Variants in KDM2A observed in about 807,000 individuals in gnomAD.
KDM2A encodes lysine-specific demethylase 2A.
KDM2A carries 3 observed loss-of-function variants against 137.3 expected under a neutral mutation model. The ratio of observed to expected loss-of-function variants is 0.02; its 90% CI spans 0.01 to 0.06. KDM2A has a LOEUF of 0.06. Among genes scored for constraint, KDM2A ranks in the 10% least tolerant of loss-of-function variants. The pLI is 1.00. For missense variants in KDM2A, 738 were observed against 1,510.6 expected (o/e 0.49, Z 8.48); for synonymous variants, 512 against 541.5 (o/e 0.95, Z 0.76).
chr11:67,217,640 GTGGTCT>G, intron 8 of KDM2A, 85 bp from the exon 9 acceptor site: 1 of 1,289,954 alleles, frequency 7.8e-7, no homozygotes. Flanking sequence ...CTTCTACCTG[GTGGTCT>G]TAATTTTGTA....
intron 18 of KDM2A, among the ~76,000 whole-genome samples, chr11:67,253,067 A>G (rs1212055613): frequency 7.2e-5 from 11 of 152,228 alleles, no homozygotes; most frequent in South Asian, 4.1e-4. Context: ...AATCACTGCA[A>G]TGGACAGCAA....
In KDM2A at chr11:67,257,515, A is replaced by C. The variant is rs1363297265; in HGVS notation, c.*2460A>C. 6.6e-6 allele frequency: 1 copy of C among 152,562 alleles called. No individual in the cohort carries two copies. Among genetic ancestry groups the C allele is most frequent in the African/African-American group, 2.4e-5 (1 of 41,408 alleles). 9.5% of individuals were successfully genotyped at this position (152,562 alleles called of 1,614,324 possible). A position where few individuals can be genotyped will look rare whatever the true frequency, so the allele number is the denominator to read the frequency against. On this transcript the variant is annotated 3_prime_UTR_variant, in exon 21 of 21. Transcript: ENST00000529006. ...CCTTGCCAGGAGAGCCTGCCCTCAG[A>C]CTGCAGGACCAGAACCCCTGCCTCC...
At chr11:67,155,202 G>T (rs555943572) in intron 2 of KDM2A, among the ~76,000 whole-genome samples, 34 of 152,228 alleles carry the variant, frequency 2.2e-4, no homozygotes, top group African/African-American at 7.9e-4. Context: ...GTTTTGTAGA[G>T]ATGGGGTTTT....
intron 5 of KDM2A, chr11:67,195,859 G>C (rs1315763699): frequency 3.8e-6 from 1 of 264,140 alleles, no homozygotes; most frequent in Non-Finnish European, 8.0e-6. Flanking sequence ...TCCGTTGCCA[G>C]TATTTTATTT....
At chr11:67,169,901 G>A (rs1048955711) in intron 2 of KDM2A, among the ~76,000 whole-genome samples, 3 of 151,440 alleles carry the variant, frequency 2.0e-5, no homozygotes, top group Admixed American at 6.6e-5. Context: ...GGGATTACAG[G>A]CACGTGCCAC....
At chr11:67,123,394 C>T (rs1855644448) in intron 2 of KDM2A, among the ~76,000 whole-genome samples, 1 of 149,940 alleles carries the variant, frequency 6.7e-6, no homozygotes, top group Non-Finnish European at 1.5e-5. Context: ...TGTCTTGTTC[C>T]CAGTTCATGT....
At chr11:67,158,564 A>C (rs1856570221) in intron 2 of KDM2A, among the ~76,000 whole-genome samples, 1 of 152,180 alleles carries the variant, frequency 6.6e-6, no homozygotes, top group Non-Finnish European at 1.5e-5. Context: ...CCTTGCCAGC[A>C]TTTGGTGTTG....
At position 67,210,270 on chromosome 11, in the gene KDM2A, G is replaced by A. The variant is rs1163285435; in HGVS notation, c.486+2582G>A. On this transcript the variant is annotated intron_variant, in intron 6 of 20. Transcript: ENST00000529006. ...CCAGCTACTCAGGGGGTTGAGGCAG[G>A]AGGATTGCTTGAGCCTAGTAATTTG... Among the ~76,000 whole-genome samples, 3 of 151,860 alleles carry A rather than the reference G, an allele frequency of 2.0e-5. No individual in the cohort carries two copies. The East Asian group carries it at 5.8e-4, about 29-fold the overall frequency.
chr11:67,246,179 G>C (rs887715479), intron 15 of KDM2A, 63 bp downstream of exon 15: 2 of 1,582,790 alleles, frequency 1.3e-6, no homozygotes, highest in Admixed American at 3.4e-5. Flanking sequence ...ACAACAGAAT[G>C]GGACACTTGT....
chr11:67,218,414 G>C (rs1858234658), intron 9 of KDM2A, among the ~76,000 whole-genome samples: 1 of 152,108 alleles, frequency 6.6e-6, no homozygotes, highest in Admixed American at 6.6e-5. Context: ...TTGTTATAAG[G>C]AATATAAATG....
At chr11:67,220,022 A>C (rs1209231171) in intron 10 of KDM2A, among the ~76,000 whole-genome samples, 1 of 149,140 alleles carries the variant, frequency 6.7e-6, no homozygotes, top group Non-Finnish European at 1.5e-5. Flanking sequence ...TTTTTCTTTT[A>C]ATATTTGGGA....
intron 12 of KDM2A, 94 bp downstream of exon 12, chr11:67,232,054 T>C (rs1858734396): frequency 1.6e-6 from 2 of 1,262,406 alleles, no homozygotes; most frequent in Non-Finnish European, 1.1e-6. Flanking sequence ...TTTTGGGTGA[T>C]CTCTGGTTCA....
At chr11:67,238,577 AGTCT>A (rs2136437540) in intron 12 of KDM2A, among the ~76,000 whole-genome samples, 2 of 152,244 alleles carry the variant, frequency 1.3e-5, no homozygotes, top group South Asian at 4.1e-4. Context: ...AGAGCACAAA[AGTCT>A]GTCCTTCCCC....
chr11:67,184,395 C>T (rs1228490559), intron 5 of KDM2A, among the ~76,000 whole-genome samples: 5 of 151,774 alleles, frequency 3.3e-5, no homozygotes, highest in East Asian at 1.9e-4. Context: ...TTTGGGAGGC[C>T]GAGGCGGGCA....
In KDM2A at chr11:67,250,935, C is replaced by T; in HGVS notation, c.2768+137C>T. The stretch of plus-strand genomic sequence containing the variant: ...GAGTGAATTGACCCTTTTTCCCAAA[C>T]TTTGGGTCCTGTTTAAAGATGTAGC... On this transcript the variant is annotated intron_variant, in intron 17 of 20. Coordinates refer to ENST00000529006, the MANE Select transcript of KDM2A (RefSeq NM_012308.3). This position sits in a 1 kb window ranked among gnomAD's most constrained non-coding sequence, Gnocchi z 7.1. 1 of 696,682 alleles carries T rather than the reference C, an allele frequency of 1.4e-6. No individual in the cohort carries two copies. The highest frequency in any genetic ancestry group is 2.4e-6 in the Non-Finnish European group (1 of 411,876). The allele number at this position is 696,682 out of a possible 1,614,324, so 43.2% of individuals were successfully genotyped here.
Position 67,253,566 on chromosome 11 carries a change from G to C in KDM2A, c.3046G>C (p.Asp1016His), listed in dbSNP as rs1390387923. Residue 1016 changes from aspartate to histidine, a missense_variant, in exon 19 of 21, where the codon GAC becomes CAC. By Grantham distance (81) the Asp-to-His change is moderately conservative (BLOSUM62 -1). Transcript: ENST00000529006. ...TCTTCGGTGGGCAGTAGGAATCAAG[G>C]ACCCTCAAATTCGGGACTTGCTTAC... ...LDLRWAVGIKDPQIRDLLTPP... is the reference protein window; with the variant it reads ...LDLRWAVGIKHPQIRDLLTPP... 1 of 1,613,804 alleles carries C rather than the reference G, an allele frequency of 6.2e-7. No homozygotes were observed. Among genetic ancestry groups the C allele is most frequent in the East Asian group, 2.2e-5 (1 of 44,874 alleles).
intron 17 of KDM2A, 59 bp from the exon 18 acceptor site, chr11:67,252,635 G>A: frequency 1.9e-6 from 3 of 1,586,950 alleles, no homozygotes; most frequent in Non-Finnish European, 2.6e-6. Context: ...TAAGCAGCCT[G>A]TGATGGGAGC....
chr11:67,125,407 C>T (rs534278602), intron 2 of KDM2A, among the ~76,000 whole-genome samples: 346 of 151,902 alleles, frequency 2.3e-3, no homozygotes, highest in Middle Eastern at 6.8e-3. Context: ...TCTTGAACTC[C>T]TGGGCTCAAA....
chr11:67,251,659 T>C (rs1340460760), intron 17 of KDM2A, among the ~76,000 whole-genome samples: 1 of 152,214 alleles, frequency 6.6e-6, no homozygotes, highest in Non-Finnish European at 1.5e-5. Flanking sequence ...CCCAGCAGTC[T>C]GCTTTAACAA....
Sources: gnomAD v4.1 joint callset for allele counts (sites outside exome capture counted in the v4.1 genomes callset) on GRCh38, gnomAD v4.1.1 for gene constraint, Gnocchi (gnomAD v3.1) non-coding constraint, MANE v1.5 for transcripts, NCBI Gene and HGNC (gene_info 2026-07-23, HGNC 2026-07-21) for gene names.